Variants in FRAS1 observed in about 807,000 individuals in gnomAD.
FRAS1 encodes extracellular matrix organizing protein FRAS1.
In FRAS1, 290 loss-of-function variants were observed where a neutral mutation model predicts 435.2. The ratio of observed to expected loss-of-function variants is 0.67; its 90% CI spans 0.61 to 0.73. FRAS1 has a LOEUF of 0.73. Ranked by LOEUF, FRAS1 falls within the 30% of genes least tolerant of loss-of-function variation. FRAS1 has a pLI of 0.00. For missense variants in FRAS1, 4,860 were observed against 5,001.5 expected, an observed-to-expected ratio of 0.97 and a Z score of 0.85; for synonymous variants, 1,800 against 1,851.0, an observed-to-expected ratio of 0.97 and a Z score of 0.71.
At chr4:78,397,645 T>C (rs923250419) in intron 29 of FRAS1, among the ~76,000 whole-genome samples, 8 of 141,554 alleles carry the variant, frequency 5.7e-5, no homozygotes, top group Non-Finnish European at 1.1e-4. Flanking sequence ...TAGTATGATC[T>C]GCAGCTGTTT....
intron 2 of FRAS1, among the ~76,000 whole-genome samples, chr4:78,160,452 A>G (rs1237245665): frequency 6.6e-6 from 1 of 152,216 alleles, no homozygotes; most frequent in Non-Finnish European, 1.5e-5. Flanking sequence ...TGGAAACGTT[A>G]GCCTGTATTC....
intron 65 of FRAS1, among the ~76,000 whole-genome samples, chr4:78,514,932 G>A (rs1336827659): frequency 2.0e-5 from 3 of 151,958 alleles, no homozygotes; most frequent in Non-Finnish European, 2.9e-5. Flanking sequence ...GCCAGGTGTG[G>A]TGACGTGCAC....
intron 20 of FRAS1, among the ~76,000 whole-genome samples, chr4:78,361,608 T>TA (rs1490260043): frequency 6.6e-6 from 1 of 152,198 alleles, no homozygotes; most frequent in African/African-American, 2.4e-5. Flanking sequence ...CTGCTTCGTG[T>TA]ACAGGGAACA....
chr4:78,517,490 G>GA (rs1298297127), intron 66 of FRAS1, among the ~76,000 whole-genome samples: 2 of 152,112 alleles, frequency 1.3e-5, no homozygotes, highest in Non-Finnish European at 2.9e-5. Flanking sequence ...AACCAACACA[G>GA]AAAAAACATG....
intron 64 of FRAS1, among the ~76,000 whole-genome samples, chr4:78,512,285 AAATG>A (rs1428794865): frequency 6.6e-6 from 1 of 152,226 alleles, no homozygotes; most frequent in East Asian, 1.9e-4. Flanking sequence ...AAACTCAGAA[AAATG>A]AGTTCCTTTG....
intron 51 of FRAS1, among the ~76,000 whole-genome samples, chr4:78,471,827 A>C (rs1719717498): frequency 6.6e-6 from 1 of 152,116 alleles, no homozygotes; most frequent in African/African-American, 2.4e-5. Context: ...TCAAGGCCCA[A>C]CTCAAATCCC....
intron 2 of FRAS1, among the ~76,000 whole-genome samples, chr4:78,204,906 G>A (rs1293668439): frequency 6.6e-6 from 1 of 152,048 alleles, no homozygotes; most frequent in Non-Finnish European, 1.5e-5. Flanking sequence ...ATATTTTTGG[G>A]GATCAGTAAA....
At chr4:78,497,646 C>T (rs1304327782) in intron 60 of FRAS1, among the ~76,000 whole-genome samples, 2 of 152,074 alleles carry the variant, frequency 1.3e-5, no homozygotes, top group Non-Finnish European at 2.9e-5. Flanking sequence ...GCTATTATTT[C>T]TATATTACGA....
rs569831898 is a variant in FRAS1, at chr4:78,499,855, C to T, written c.9250C>T (p.Arg3084Trp). 5.6e-6 allele frequency: 9 copies of T among 1,613,200 alleles called. No homozygotes were observed. The African/African-American group carries it at 6.7e-5, about 12-fold the overall frequency. The change falls in exon 61 of 74, where the codon CGG (arginine) becomes TGG (tryptophan). Residue 3084 changes from arginine to tryptophan, a missense_variant. Coordinates refer to ENST00000512123, the MANE Select transcript of FRAS1 (RefSeq NM_025074.7). Reference protein sequence around the residue: ...NRTSKVRCSTRDGSAQSGVDY... With the variant: ...NRTSKVRCSTWDGSAQSGVDY... ...GACCTCCAAGGTTCGCTGCAGCACGCGGGATGGCTCTGCCCAGTCTGGTGT... is the reference window on the plus strand; with the variant it reads ...GACCTCCAAGGTTCGCTGCAGCACGTGGGATGGCTCTGCCCAGTCTGGTGT...
chr4:78,413,973 G>A (rs1346394395), intron 32 of FRAS1, among the ~76,000 whole-genome samples: 1 of 152,084 alleles, frequency 6.6e-6, no homozygotes, highest in Non-Finnish European at 1.5e-5. Flanking sequence ...TAATCATCAT[G>A]GGTCCACATT....
intron 2 of FRAS1, among the ~76,000 whole-genome samples, chr4:78,067,278 A>G (rs1306764768): frequency 6.6e-6 from 1 of 152,182 alleles, no homozygotes; most frequent in African/African-American, 2.4e-5. Flanking sequence ...GAGAGAGATG[A>G]AGAGATTTGC....
intron 19 of FRAS1, among the ~76,000 whole-genome samples, chr4:78,334,944 T>C (rs1195291231): frequency 6.6e-6 from 1 of 151,970 alleles, no homozygotes. Context: ...AAATTTTTTG[T>C]AGAGACAGGG....
At chr4:78,267,110 C>A in intron 8 of FRAS1, 131 bp from the exon 9 acceptor site, 1 of 974,128 alleles carries the variant, frequency 1.0e-6, no homozygotes, top group Non-Finnish European at 1.6e-6. Flanking sequence ...GCAAGGGACC[C>A]TGCCCATCGT....
intron 31 of FRAS1, among the ~76,000 whole-genome samples, chr4:78,411,421 G>A (rs1733332082): frequency 6.6e-6 from 1 of 152,080 alleles, no homozygotes; most frequent in Non-Finnish European, 1.5e-5. Flanking sequence ...CGAGTTGCAT[G>A]GATTTAATGC....
chr4:78,264,826 A>G (rs769797033), intron 6 of FRAS1, 199 bp from the exon 7 acceptor site: 31 of 671,828 alleles, frequency 4.6e-5, no homozygotes, highest in Admixed American at 1.1e-4. Context: ...GGCATGTGCA[A>G]ACTTCTTAAG....
At position 78,475,566 on chromosome 4, in the gene FRAS1, C is replaced by T. The variant is rs1165209958; in HGVS notation, c.7811C>T (p.Ser2604Phe). 1 of 1,613,150 alleles carries T rather than the reference C, an allele frequency of 6.2e-7. No homozygotes were observed. Among genetic ancestry groups the T allele is most frequent in the African/African-American group, 1.3e-5 (1 of 74,892 alleles). The part of the protein sequence containing the change: ...GTASSSSRVS[S>F]QPGQQDYVEY... ...GCCAGCTCCAGCTCCAGGGTCAGCT[C>T]CCAACCTGGGCAACAGGACTATGTA... Residue 2604 changes from serine to phenylalanine, a missense_variant, in exon 54 of 74, where the codon TCC becomes TTC. Ser to Phe is a radical substitution (Grantham distance 155). Transcript: ENST00000512123.
intron 2 of FRAS1, among the ~76,000 whole-genome samples, chr4:78,199,832 G>A (rs115905276): frequency 2.2e-3 from 338 of 152,274 alleles, no homozygotes; most frequent in Non-Finnish European, 4.1e-3. Flanking sequence ...TTTAATGAAT[G>A]GAAAGTGCTT....
chr4:78,250,114 G>C (rs1725464760), intron 4 of FRAS1, among the ~76,000 whole-genome samples: 1 of 151,802 alleles, frequency 6.6e-6, no homozygotes, highest in Non-Finnish European at 1.5e-5. Flanking sequence ...TGACTCATTA[G>C]ATATTTTAAA....
chr4:78,320,502 A>C (rs1299434047), intron 18 of FRAS1, among the ~76,000 whole-genome samples: 3 of 152,154 alleles, frequency 2.0e-5, no homozygotes, highest in Non-Finnish European at 4.4e-5. Flanking sequence ...CCGTGGGTTT[A>C]GGTTTGCCAG....
Sources: gnomAD v4.1 joint callset for allele counts (sites outside exome capture counted in the v4.1 genomes callset) on GRCh38, gnomAD v4.1.1 for gene constraint, MANE v1.5 for transcripts, NCBI Gene and HGNC (gene_info 2026-07-23, HGNC 2026-07-21) for gene names.